The following KITLG variants were observed in gnomAD, a reference collection of about 807,000 sequenced individuals.
KITLG encodes KIT ligand, also known as c-Kit ligand.
In KITLG, 13 loss-of-function variants were observed where a neutral mutation model predicts 34.1. That is an observed-to-expected ratio of 0.38 (90% CI 0.25 to 0.61). KITLG has a LOEUF of 0.61. KITLG is among the 20% of genes least tolerant of loss of function. The pLI is 0.60. For synonymous variants in KITLG, 110 were observed against 104.0 expected (o/e 1.06, Z -0.35); for missense variants, 292 against 318.9 (o/e 0.92, Z 0.64).
intron 6 of KITLG, among the ~76,000 whole-genome samples, chr12:88,511,906 C>T (rs553149520): frequency 6.6e-5 from 10 of 152,218 alleles, no homozygotes; most frequent in East Asian, 1.9e-4. Flanking sequence ...TGCTACTATT[C>T]GAACCTCCTA....
chr12:88,580,237 G>T (rs781648634), intron 1 of KITLG, 27 bp downstream of exon 1: 1 of 1,602,432 alleles, frequency 6.2e-7, no homozygotes, highest in South Asian at 1.1e-5. Context: ...TGGAGAGCCT[G>T]GGAGCTCCCG....
chr12:88,537,229 C>T (rs144956275), intron 2 of KITLG, among the ~76,000 whole-genome samples: 81 of 152,094 alleles, frequency 5.3e-4, no homozygotes, highest in African/African-American at 1.9e-3. Flanking sequence ...GACCTATGTG[C>T]CTATCAACAA....
rs140879160 is a variant in KITLG at position 88,568,531 on chromosome 12, G to A, written c.15+11733C>T. ...CCCTACAACCCCATTACACCAATGA[G>A]GATATTGGGGCCTAGAGGAAGGAAA... On this transcript the variant is annotated intron_variant, in intron 1 of 9. Coordinates refer to ENST00000644744, the MANE Select transcript of KITLG (RefSeq NM_000899.5). 2.5e-3 allele frequency among the ~76,000 whole-genome samples: 382 copies of A among 152,070 alleles called. 4 individuals carry two copies. The highest frequency in any genetic ancestry group is 4.0e-3 in the Non-Finnish European group (275 of 68,000).
At chr12:88,570,259 T>C (rs528779178) in intron 1 of KITLG, among the ~76,000 whole-genome samples, 8 of 152,272 alleles carry the variant, frequency 5.3e-5, no homozygotes, top group African/African-American at 1.9e-4. Context: ...ACAATGAGAT[T>C]CCCTCACAAC....
intron 1 of KITLG, among the ~76,000 whole-genome samples, chr12:88,567,349 A>G (rs966025588): frequency 3.9e-5 from 6 of 152,238 alleles, no homozygotes; most frequent in African/African-American, 1.4e-4. Flanking sequence ...TTTGTATTAC[A>G]AAAGAGTTAT....
intron 1 of KITLG, among the ~76,000 whole-genome samples, chr12:88,579,815 A>T (rs991729237): frequency 1.7e-4 from 18 of 108,766 alleles, no homozygotes; most frequent in African/African-American, 6.4e-4. Context: ...CCCGGCGCCC[A>T]CCTCGGGGCT....
chr12:88,579,912 C>T (rs1224475674), intron 1 of KITLG, among the ~76,000 whole-genome samples: 1 of 152,238 alleles, frequency 6.6e-6, no homozygotes, highest in Non-Finnish European at 1.5e-5. Context: ...GGAAAACCGT[C>T]TCCTATGCAA....
At chr12:88,516,278 A>C in intron 5 of KITLG, 56 bp downstream of exon 5, 1 of 1,444,062 alleles carries the variant, frequency 6.9e-7, no homozygotes, top group Non-Finnish European at 9.7e-7. Context: ...CTTACTACAT[A>C]GGGAAGATTT....
chr12:88,559,304 C>T (rs1023030998), intron 1 of KITLG, among the ~76,000 whole-genome samples: 21 of 152,270 alleles, frequency 1.4e-4, no homozygotes, highest in African/African-American at 4.3e-4. Flanking sequence ...AGGAAATACT[C>T]GAGAAGACAG....
intron 1 of KITLG, among the ~76,000 whole-genome samples, chr12:88,548,044 T>A (rs1870774527): frequency 6.6e-6 from 1 of 152,224 alleles, no homozygotes; most frequent in Non-Finnish European, 1.5e-5. Flanking sequence ...TAATGTCTAC[T>A]CTGCCTTACT....
At chr12:88,521,833 T>C (rs149307944) in intron 3 of KITLG, among the ~76,000 whole-genome samples, 8 of 152,318 alleles carry the variant, frequency 5.3e-5, no homozygotes, top group Admixed American at 1.3e-4. Context: ...TTCTGTCTTA[T>C]GTTTTCTTGG....
intron 2 of KITLG, chr12:88,534,809 T>C (rs1361374698): frequency 2.5e-6 from 1 of 392,832 alleles, no homozygotes; most frequent in Non-Finnish European, 4.9e-6. Flanking sequence ...ATTTCTTTTC[T>C]CTTCTTAATC....
At chr12:88,515,743 T>A in intron 5 of KITLG, 126 bp from the exon 6 acceptor site, 1 of 705,170 alleles carries the variant, frequency 1.4e-6, no homozygotes, top group South Asian at 1.5e-5. Flanking sequence ...AGTATTCAGA[T>A]CCTATTTATT....
Position 88,521,388 on chromosome 12 carries a change from T to G in KITLG, c.193-2521A>C, listed in dbSNP as rs527695293. ...ACTAAGTATTTCATTTGTGAGGTGA[T>G]AGCAGGTCTTTCTGTTTTTCAATTC... On this transcript the variant is annotated intron_variant, in intron 3 of 9. Transcript: ENST00000644744. Among the ~76,000 whole-genome samples, 3 of 152,256 alleles carry G rather than the reference T, an allele frequency of 2.0e-5. No homozygotes were observed. In the East Asian group the frequency reaches 5.8e-4, roughly 29 times the overall value.
chr12:88,526,863 CTTTTTTTT>C (rs10532642), intron 3 of KITLG, among the ~76,000 whole-genome samples: 2 of 79,982 alleles, frequency 2.5e-5, no homozygotes, highest in Admixed American at 1.6e-4. Flanking sequence ...TCAGTATAGT[CTTTTTTTT>C]TTTTTTTTTT....
At chr12:88,569,136 C>A (rs1871556735) in intron 1 of KITLG, among the ~76,000 whole-genome samples, 1 of 152,120 alleles carries the variant, frequency 6.6e-6, no homozygotes, top group Non-Finnish European at 1.5e-5. Flanking sequence ...CATGTTCTGT[C>A]CCCCTAATTC....
chr12:88,571,239 T>TA (rs749930935), intron 1 of KITLG, among the ~76,000 whole-genome samples: 84 of 152,334 alleles, frequency 5.5e-4, no homozygotes, highest in Admixed American at 1.4e-3. Flanking sequence ...AATGCTCTAT[T>TA]AAGTAAGTGC....
chr12:88,570,683 C>G (rs74919289), intron 1 of KITLG, among the ~76,000 whole-genome samples: 4,290 of 152,198 alleles, frequency 0.028, 177 homozygotes, highest in East Asian at 0.095. Context: ...CTTCCACTTG[C>G]ACTTTTTAAA....
chr12:88,534,374 C>T (rs918822725), intron 2 of KITLG, among the ~76,000 whole-genome samples: 25 of 151,386 alleles, frequency 1.7e-4, no homozygotes, highest in African/African-American at 6.1e-4. Context: ...ATCATTGCTG[C>T]TTTTTTTTTC....
Sources: gnomAD v4.1 joint callset for allele counts (sites outside exome capture counted in the v4.1 genomes callset) on GRCh38, gnomAD v4.1.1 for gene constraint, MANE v1.5 for transcripts, NCBI Gene and HGNC (gene_info 2026-07-23, HGNC 2026-07-21) for gene names.